MKS1: variants seen among roughly 807,000 people sequenced by gnomAD.
The protein encoded by MKS1 is tectonic-like complex member MKS1.
Under a neutral mutation model 83.7 loss-of-function variants are expected in MKS1, and 70 were observed. The ratio of observed to expected loss-of-function variants is 0.84; its 90% CI spans 0.69 to 1.02. The LOEUF (loss-of-function observed/expected upper bound fraction) is 1.02, where lower values mean the gene tolerates loss of function less well. MKS1 is among the 50% of genes least tolerant of loss of function. The pLI is 0.00. For missense variants in MKS1, 681 were observed against 726.9 expected, an observed-to-expected ratio of 0.94 and a Z score of 0.73; for synonymous variants, 251 against 273.4, an observed-to-expected ratio of 0.92 and a Z score of 0.81.
chr17:58,210,442 G>A (rs1567799020), intron 11 of MKS1, among the ~76,000 whole-genome samples: 1 of 152,144 alleles, frequency 6.6e-6, no homozygotes, highest in Non-Finnish European at 1.5e-5. Context: ...CCAGAGAAGT[G>A]TGTCATGCAG....
intron 6 of MKS1, 47 bp downstream of exon 6, chr17:58,214,212 G>C (rs753694193): frequency 5.0e-6 from 8 of 1,613,414 alleles, no homozygotes; most frequent in Non-Finnish European, 6.8e-6. Context: ...GCTGGTGAGA[G>C]GAGAAAAGGA....
chr17:58,216,759 C>T (rs1598001213), intron 2 of MKS1, 23 bp from the exon 3 acceptor site: 1 of 1,612,642 alleles, frequency 6.2e-7, no homozygotes, highest in Non-Finnish European at 8.5e-7. Flanking sequence ...CAGAGTGAAT[C>T]AAATGCTTGA....
chr17:58,211,143 A>T, intron 9 of MKS1, 121 bp from the exon 10 acceptor site: 2 of 910,030 alleles, frequency 2.2e-6, no homozygotes, highest in Non-Finnish European at 3.6e-6. Context: ...GGGTGTCACT[A>T]CTGCACTTTC....
chr17:58,210,251 G>A (rs1221379109), intron 11 of MKS1, among the ~76,000 whole-genome samples: 2 of 152,234 alleles, frequency 1.3e-5, no homozygotes, highest in East Asian at 3.8e-4. Context: ...GAGACGTATT[G>A]ATGGTATTTA....
In MKS1 at chr17:58,213,820, T is replaced by A; in HGVS notation, c.694A>T (p.Ser232Cys). The change falls in exon 7 of 18, where the codon AGC becomes TGC. Residue 232 changes from serine to cysteine, a missense_variant. Ser to Cys is a moderately radical substitution (Grantham distance 112). This residue lies in a region of MKS1 where 365 missense variants were observed against 383.8 expected (regional missense o/e 0.95). Transcript: ENST00000393119. Reference protein sequence around the residue: ...EHVLCTLKVDSNGVITVKPDF... With the variant: ...EHVLCTLKVDCNGVITVKPDF... ...GGCTTTACTGTGATCACACCATTGCTATCCACCTTCAGAGTACACAGGACA... is the reference window on the plus strand; with the variant it reads ...GGCTTTACTGTGATCACACCATTGCAATCCACCTTCAGAGTACACAGGACA... 1.9e-6 allele frequency: 3 copies of A among 1,614,114 alleles called. No individual in the cohort carries two copies. Among genetic ancestry groups the A allele is most frequent in the Non-Finnish European group, 2.5e-6 (3 of 1,180,000 alleles).
At chr17:58,210,396 C>T (rs1968804090) in intron 11 of MKS1, among the ~76,000 whole-genome samples, 1 of 152,154 alleles carries the variant, frequency 6.6e-6, no homozygotes, top group East Asian at 1.9e-4. Flanking sequence ...TGAGGGGCCA[C>T]CAGCGAGATA....
chr17:58,206,019 C>T lies in MKS1; in HGVS notation c.*60G>A. 6.4e-7 allele frequency: 1 copy of T among 1,559,510 alleles called. No homozygotes were observed. The highest frequency in any genetic ancestry group is 8.7e-7 in the Non-Finnish European group (1 of 1,153,926). ...TCAGAAAGACGAAGAGGCAGGAGAG[C>T]ACTGGCCTCAGATATCCCCCATCTT... On this transcript the variant is annotated 3_prime_UTR_variant, in exon 18 of 18. Coordinates refer to ENST00000393119, the MANE Select transcript of MKS1 (RefSeq NM_017777.4).
intron 4 of MKS1, 48 bp from the exon 5 acceptor site, chr17:58,214,886 T>C: frequency 6.4e-7 from 1 of 1,564,528 alleles, no homozygotes; most frequent in Non-Finnish European, 8.6e-7. Context: ...CAGGGCCACA[T>C]GGAGCCAAGT....
rs1969025949 is a variant in MKS1 at position 58,213,839 on chromosome 17, C to T, written c.675G>A (p.Leu225=). Residue 225 remains leucine (L), a synonymous_variant, in exon 7 of 18, where the codon CTG becomes CTA. Coordinates refer to ENST00000393119, the MANE Select transcript of MKS1 (RefSeq NM_017777.4). The part of the protein sequence containing the change: ...KLGYKKYEHV[L]CTLKVDSNGV... ...CATTGCTATCCACCTTCAGAGTACA[C>T]AGGACATGTTCATACTTCTTATAGC... is the stretch of plus-strand genomic sequence containing the variant. 11 of 1,614,098 alleles carry T rather than the reference C, an allele frequency of 6.8e-6. No homozygotes were observed. Among genetic ancestry groups the T allele is most frequent in the Non-Finnish European group, 8.5e-6 (10 of 1,179,976 alleles).
rs1567801728 is a variant in MKS1, at chr17:58,213,027, G to GT, written c.812dup (p.His271GlnfsTer34). The GT allele has an allele frequency of 1.2e-6, 2 of 1,614,148 alleles. No individual in the cohort carries two copies. The highest frequency in any genetic ancestry group is 2.2e-5 in the South Asian group (2 of 91,080). ...CCCGCTCCTCCTCCTCCGGCTGTGC[G>GT]TGGGGGGAAACATTGTCGATCGTAT... is the stretch of plus-strand genomic sequence containing the variant. On this transcript the variant is annotated frameshift_variant, in exon 8 of 18. Coordinates refer to ENST00000393119, the MANE Select transcript of MKS1 (RefSeq NM_017777.4). LOFTEE classifies it high-confidence loss of function.
rs1377982222 is a variant in MKS1 at position 58,205,631 on chromosome 17, G to C, written c.*448C>G. On this transcript the variant is annotated 3_prime_UTR_variant, in exon 18 of 18. Coordinates refer to ENST00000393119, the MANE Select transcript of MKS1 (RefSeq NM_017777.4). The stretch of plus-strand genomic sequence containing the variant: ...TGAGGCTTCCCTGGAAAGAGGCTGA[G>C]ACTCACAGGCTGGGGATTTAAGACC... The C allele has an allele frequency of 3.1e-6, 4 of 1,307,088 alleles. No homozygotes were observed. Among genetic ancestry groups the C allele is most frequent in the Non-Finnish European group, 4.0e-6 (4 of 990,940 alleles). The allele number at this position is 1,307,088 out of a possible 1,614,324, so 81.0% of individuals were successfully genotyped here. A position where few individuals can be genotyped will look rare whatever the true frequency, so the allele number is the denominator to read the frequency against.
rs1031767634 is a variant in MKS1 at position 58,208,400 on chromosome 17, C to A, written c.1095+113G>T. 6.9e-6 allele frequency: 9 copies of A among 1,295,092 alleles called. No individual in the cohort carries two copies. The Admixed American group carries it at 7.6e-5, about 11-fold the overall frequency. 80.2% of individuals were successfully genotyped at this position (1,295,092 alleles called of 1,614,324 possible). The stretch of plus-strand genomic sequence containing the variant: ...CCCTGTAGAACCCACACACAAGTCA[C>A]CCAACTCTGGAATCCTCCCCAGGGC... On this transcript the variant is annotated intron_variant, in intron 12 of 17. Coordinates refer to ENST00000393119, the MANE Select transcript of MKS1 (RefSeq NM_017777.4).
chr17:58,218,811 AGAG>A, intron 1 of MKS1, 82 bp from the exon 2 acceptor site: 2 of 1,289,332 alleles, frequency 1.6e-6, no homozygotes, highest in Non-Finnish European at 2.2e-6. Context: ...GAAACAAAAC[AGAG>A]GAGGTAGGGT....
intron 2 of MKS1, among the ~76,000 whole-genome samples, chr17:58,217,806 A>C (rs1445984937): frequency 6.6e-6 from 1 of 152,234 alleles, no homozygotes; most frequent in Non-Finnish European, 1.5e-5. Flanking sequence ...ATTCTGTCTC[A>C]AAACAAAACG....
intron 9 of MKS1, 186 bp from the exon 10 acceptor site, chr17:58,211,208 A>C: frequency 4.9e-6 from 3 of 616,056 alleles, no homozygotes; most frequent in South Asian, 1.8e-5. Context: ...AAGATTCACA[A>C]TGTAGGGGGA....
chr17:58,210,915 C>G, intron 10 of MKS1, 65 bp downstream of exon 10: 1 of 1,556,010 alleles, frequency 6.4e-7, no homozygotes, highest in Non-Finnish European at 8.9e-7. Flanking sequence ...GTGGAGGAGA[C>G]TATTCACAGC....
At chr17:58,216,470 A>G (rs942210881) in intron 3 of MKS1, among the ~76,000 whole-genome samples, 196 bp downstream of exon 3, 12 of 152,272 alleles carry the variant, frequency 7.9e-5, no homozygotes, top group African/African-American at 2.9e-4. Context: ...CATATAGCCC[A>G]GAGATGAAAA....
intron 11 of MKS1, among the ~76,000 whole-genome samples, chr17:58,210,122 A>G (rs1348325301): frequency 6.6e-6 from 1 of 152,180 alleles, no homozygotes; most frequent in Non-Finnish European, 1.5e-5. Context: ...GTTTGAGGGA[A>G]GAGGAGGAAT....
At chr17:58,210,562 A>G in intron 11 of MKS1, 97 bp downstream of exon 11, 2 of 1,161,582 alleles carry the variant, frequency 1.7e-6, no homozygotes, top group Admixed American at 3.4e-5. Flanking sequence ...AAAGAACAGT[A>G]ACAGTTTCAG....
Sources: gnomAD v4.1 joint callset for allele counts (sites outside exome capture counted in the v4.1 genomes callset) on GRCh38, gnomAD v4.1.1 for gene constraint, gnomAD v4.1.1 regional missense constraint, MANE v1.5 for transcripts, NCBI Gene and HGNC (gene_info 2026-07-23, HGNC 2026-07-21) for gene names.